Variants in CACNA1C observed in about 807,000 individuals in gnomAD.
The protein encoded by CACNA1C is voltage-dependent L-type calcium channel subunit alpha-1C.
Under a neutral mutation model 229.0 loss-of-function variants are expected in CACNA1C, and 30 were observed. That is an observed-to-expected ratio of 0.13 (90% CI 0.10 to 0.18). CACNA1C has a LOEUF of 0.18. Ranked by LOEUF, CACNA1C falls within the 10% of genes least tolerant of loss-of-function variation. The pLI, the probability that CACNA1C is intolerant of heterozygous loss-of-function variation, is 1.00. For missense variants in CACNA1C, 1,658 were observed against 2,845.0 expected (o/e 0.58, Z 9.49); for synonymous variants, 1,114 against 1,132.5 (o/e 0.98, Z 0.33).
intron 3 of CACNA1C, among the ~76,000 whole-genome samples, chr12:2,316,243 C>T (rs565553097): frequency 2.0e-4 from 30 of 152,362 alleles, no homozygotes; most frequent in Admixed American, 8.5e-4. Flanking sequence ...CCTTTGCCAT[C>T]TCTTATCTGT....
chr12:2,294,097 C>G (rs528813741), intron 3 of CACNA1C, among the ~76,000 whole-genome samples: 1 of 152,282 alleles, frequency 6.6e-6, no homozygotes, highest in African/African-American at 2.4e-5. Flanking sequence ...TACCATCCAC[C>G]TGGGAGATGG....
At chr12:2,064,393 A>C (rs533740810) in intron 1 of CACNA1C, among the ~76,000 whole-genome samples, 17 of 152,226 alleles carry the variant, frequency 1.1e-4, no homozygotes, top group African/African-American at 3.9e-4. Flanking sequence ...GGCTCCCCTC[A>C]TGTGTGGCTG....
intron 3 of CACNA1C, among the ~76,000 whole-genome samples, chr12:2,129,397 T>C (rs1253693762): frequency 6.6e-6 from 1 of 152,230 alleles, no homozygotes; most frequent in Non-Finnish European, 1.5e-5. Context: ...CATTGTCTGC[T>C]CTGCGTTTGC....
At position 2,373,107 on chromosome 12, in the gene CACNA1C, C is replaced by T. The variant is rs148393432; in HGVS notation, c.478-75869C>T. 2.0e-5 allele frequency among the ~76,000 whole-genome samples: 3 copies of T among 152,332 alleles called. 1 individual carries two copies. Among genetic ancestry groups the T allele is most frequent in the South Asian group, 4.1e-4 (2 of 4,828 alleles). On this transcript the variant is annotated intron_variant, in intron 3 of 46. Transcript: ENST00000399655. ...GATCGTTACTGACAGGAAAGCATCTCGTTGTTCTTTAAAGAGACTTTCAGC... is the reference window on the plus strand; with the variant it reads ...GATCGTTACTGACAGGAAAGCATCTTGTTGTTCTTTAAAGAGACTTTCAGC...
rs535307041 is a variant in CACNA1C, at chr12:2,407,862, CA to C, written c.478-41111del. On this transcript the variant is annotated intron_variant, in intron 3 of 46. Transcript: ENST00000399655. Reference sequence around the variant, plus strand: ...GTAGATCTTTAGAGAAATGTCTATTCAAATCCTTTGCTTATTTTTATATTAA... The same window carrying C: ...GTAGATCTTTAGAGAAATGTCTATTCAATCCTTTGCTTATTTTTATATTAA... 1.7e-3 allele frequency among the ~76,000 whole-genome samples: 265 copies of C among 152,288 alleles called. 2 individuals carry two copies. Among genetic ancestry groups the C allele is most frequent in the Middle Eastern group, 6.8e-3 (2 of 294 alleles).
intron 3 of CACNA1C, among the ~76,000 whole-genome samples, chr12:2,146,728 G>A (rs1348954003): frequency 6.6e-6 from 1 of 151,270 alleles, no homozygotes; most frequent in African/African-American, 2.4e-5. Context: ...ACCTGCTGGT[G>A]GGCAGAGCGT....
Position 2,595,745 on chromosome 12 carries a change from C to A in CACNA1C, c.2664-129C>A. 1 of 731,468 alleles carries A rather than the reference C, an allele frequency of 1.4e-6. No homozygotes were observed. Among genetic ancestry groups the A allele is most frequent in the Non-Finnish European group, 2.2e-6 (1 of 450,342 alleles). The allele number at this position is 731,468 out of a possible 1,614,324, so 45.3% of individuals were successfully genotyped here. On this transcript the variant is annotated intron_variant, in intron 19 of 46. Coordinates refer to ENST00000399655, the MANE Select transcript of CACNA1C (RefSeq NM_000719.7). This position sits in a 1 kb window ranked among gnomAD's most constrained non-coding sequence, Gnocchi z 4.1. The stretch of plus-strand genomic sequence containing the variant: ...CAGTAAGACTTCAGAATGAAGAGGT[C>A]ACTTCAGGCCAACAAGCACCTGTTG...
At chr12:2,490,771 C>G (rs1420048531) in intron 6 of CACNA1C, among the ~76,000 whole-genome samples, 2 of 152,216 alleles carry the variant, frequency 1.3e-5, no homozygotes, top group Non-Finnish European at 2.9e-5. Context: ...AGTTAGAGGA[C>G]TGCTTGTTTC....
At chr12:2,167,047 T>C (rs549037021) in intron 3 of CACNA1C, among the ~76,000 whole-genome samples, 55 of 152,394 alleles carry the variant, frequency 3.6e-4, no homozygotes, top group African/African-American at 1.2e-3. Flanking sequence ...TCTCAGTTTC[T>C]TCATTCTTTG....
At chr12:2,495,605 G>A (rs542432184) in intron 7 of CACNA1C, among the ~76,000 whole-genome samples, 2 of 152,360 alleles carry the variant, frequency 1.3e-5, no homozygotes, top group South Asian at 4.1e-4. Context: ...GGGAGCAGAA[G>A]CAGCAACAAC....
chr12:2,268,477 A>G (rs2083322480), intron 3 of CACNA1C, among the ~76,000 whole-genome samples: 1 of 152,136 alleles, frequency 6.6e-6, no homozygotes, highest in Non-Finnish European at 1.5e-5. Context: ...TAAGAAAGGG[A>G]AGTTTTGAAA....
At chr12:2,652,424 C>T (rs1414441956) in intron 32 of CACNA1C, among the ~76,000 whole-genome samples, 3 of 152,140 alleles carry the variant, frequency 2.0e-5, no homozygotes, top group African/African-American at 4.8e-5. Flanking sequence ...AGAAGCAAAG[C>T]GCTTGGGTCA....
chr12:2,508,769 C>T (rs1179332487), intron 8 of CACNA1C, among the ~76,000 whole-genome samples: 3 of 152,148 alleles, frequency 2.0e-5, no homozygotes, highest in African/African-American at 7.2e-5. Flanking sequence ...CTGATGAGGC[C>T]AGATAAAGTC....
chr12:2,325,250 C>T (rs779405669), intron 3 of CACNA1C, among the ~76,000 whole-genome samples: 1 of 152,202 alleles, frequency 6.6e-6, no homozygotes, highest in Non-Finnish European at 1.5e-5. Context: ...ACTATCTGGT[C>T]TCGAGACCCA....
At chr12:2,671,887 A>T (rs2096585110) in intron 38 of CACNA1C, among the ~76,000 whole-genome samples, 1 of 150,560 alleles carries the variant, frequency 6.6e-6, no homozygotes, top group African/African-American at 2.5e-5. Flanking sequence ...AGCCTTCATC[A>T]GACATGGGCC....
intron 7 of CACNA1C, among the ~76,000 whole-genome samples, chr12:2,498,803 C>G (rs547562129): frequency 1.3e-5 from 2 of 152,318 alleles, no homozygotes; most frequent in Non-Finnish European, 2.9e-5. Context: ...CCGCAGAGAC[C>G]TGGGTTTTAG....
intron 4 of CACNA1C, among the ~76,000 whole-genome samples, chr12:2,453,413 C>T (rs1337762887): frequency 2.0e-5 from 3 of 152,154 alleles, no homozygotes; most frequent in African/African-American, 7.2e-5. Flanking sequence ...GAGACCCACT[C>T]CTAATACCTG....
chr12:2,257,402 CGA>C (rs1376079785), intron 3 of CACNA1C, among the ~76,000 whole-genome samples: 3 of 152,134 alleles, frequency 2.0e-5, no homozygotes, highest in Non-Finnish European at 4.4e-5. Context: ...CATGGAGGAC[CGA>C]GAGGGGATGG....
At chr12:2,124,421 G>A (rs979389643) in intron 3 of CACNA1C, among the ~76,000 whole-genome samples, 1 of 152,268 alleles carries the variant, frequency 6.6e-6, no homozygotes, top group African/African-American at 2.4e-5. Flanking sequence ...TATACATGTG[G>A]TCACATTCTT....
Sources: gnomAD v4.1 joint callset for allele counts (sites outside exome capture counted in the v4.1 genomes callset) on GRCh38, gnomAD v4.1.1 for gene constraint, Gnocchi (gnomAD v3.1) non-coding constraint, MANE v1.5 for transcripts, NCBI Gene and HGNC (gene_info 2026-07-23, HGNC 2026-07-21) for gene names.